EPB41L1: variants seen among roughly 807,000 people sequenced by gnomAD.
EPB41L1 encodes band 4.1-like protein 1.
A neutral mutation model predicts 97.8 loss-of-function variants in EPB41L1; 29 were observed. The ratio of observed to expected loss-of-function variants is 0.30; its 90% CI spans 0.22 to 0.40. The LOEUF is 0.40. Ranked by LOEUF, EPB41L1 falls within the 10% of genes least tolerant of loss-of-function variation. EPB41L1 has a pLI of 1.00. For synonymous variants in EPB41L1, 383 were observed against 459.2 expected, an observed-to-expected ratio of 0.83 and a Z score of 2.12; for missense variants, 812 against 1,162.3, an observed-to-expected ratio of 0.70 and a Z score of 4.38.
rs1178407672 is a variant in EPB41L1 at position 36,106,036 on chromosome 20, A to G, written c.-64-6390A>G. Among the ~76,000 whole-genome samples the G allele has an allele frequency of 2.6e-5, 4 of 152,216 alleles. No homozygotes were observed. The East Asian group carries it at 7.7e-4, about 29-fold the overall frequency. On this transcript the variant is annotated intron_variant, in intron 1 of 19. Coordinates refer to the EPB41L1 transcript ENST00000202028. ...GAGCACTGGCTCTGGCCTTAGTCCA[A>G]GGGCCTCTGGGTGAGTGCTCTTAGG...
At chr20:36,229,291 A>G (rs769468596) in intron 21 of EPB41L1, 41 bp from the exon 22 acceptor site, 5 of 774,046 alleles carry the variant, frequency 6.5e-6, no homozygotes, top group Non-Finnish European at 1.0e-5. Flanking sequence ...CTTTCCCCCC[A>G]CTCCCCACCC....
At position 36,206,484 on chromosome 20, in the gene EPB41L1, T is replaced by C. The variant is rs1348989941; in HGVS notation, c.1669-3004T>C. ...CAGAGAGGAGCTTCTATTTAAATTA[T>C]GAAGAAAAAGACTCAGAAGACCAAG... is the stretch of plus-strand genomic sequence containing the variant. On this transcript the variant is annotated intron_variant, in intron 14 of 21. Transcript: ENST00000338074. The surrounding 1 kb of genome is among the most constrained non-coding windows in gnomAD (Gnocchi z 5.5). 7.8e-7 allele frequency: 1 copy of C among 1,289,836 alleles called. No individual in the cohort carries two copies. 79.9% of individuals were successfully genotyped at this position (1,289,836 alleles called of 1,614,324 possible).
At chr20:36,116,474 C>T (rs1441078632) in intron 2 of EPB41L1, among the ~76,000 whole-genome samples, 2 of 152,132 alleles carry the variant, frequency 1.3e-5, no homozygotes, top group Non-Finnish European at 2.9e-5. Context: ...CCTTCCTTTC[C>T]TCCTGATGTG....
chr20:36,227,599 C>T (rs1256909222), intron 21 of EPB41L1, among the ~76,000 whole-genome samples: 1 of 152,156 alleles, frequency 6.6e-6, no homozygotes, highest in African/African-American at 2.4e-5. Flanking sequence ...GATGAGAGTA[C>T]TGAGAAAGTC....
At chr20:36,104,101 G>T (rs1050349641) in intron 1 of EPB41L1, among the ~76,000 whole-genome samples, 5 of 152,206 alleles carry the variant, frequency 3.3e-5, no homozygotes, top group Non-Finnish European at 7.3e-5. Context: ...GGAGTTCCTT[G>T]GTCTCCAGGG....
At chr20:36,173,718 C>T in intron 1 of EPB41L1, 46 bp from the exon 2 acceptor site, 1 of 1,571,926 alleles carries the variant, frequency 6.4e-7, no homozygotes, top group Middle Eastern at 1.7e-4. Flanking sequence ...GCTGTCATAC[C>T]ATTGCTGTCC....
intron 17 of EPB41L1, among the ~76,000 whole-genome samples, chr20:36,214,915 CT>C (rs1346296897): frequency 6.6e-6 from 1 of 151,790 alleles, no homozygotes; most frequent in Non-Finnish European, 1.5e-5. Context: ...TTTTTGGGAC[CT>C]CCCTATTGAG....
At chr20:36,169,182 G>A (rs953206996) in intron 1 of EPB41L1, among the ~76,000 whole-genome samples, 4 of 149,242 alleles carry the variant, frequency 2.7e-5, no homozygotes, top group Non-Finnish European at 4.4e-5. Context: ...AGCTGAGATC[G>A]CTACACTCTA....
At chr20:36,193,606 G>A (rs746450437) in intron 11 of EPB41L1, among the ~76,000 whole-genome samples, 10 of 152,348 alleles carry the variant, frequency 6.6e-5, no homozygotes, top group Admixed American at 3.3e-4. Flanking sequence ...ACCAGTGAGT[G>A]AGAAAGGTGT....
At chr20:36,192,220 CAAAAAAAAT>C (rs2061987242) in intron 11 of EPB41L1, among the ~76,000 whole-genome samples, 1 of 149,668 alleles carries the variant, frequency 6.7e-6, no homozygotes, top group African/African-American at 2.5e-5. Context: ...GACTCCATCT[CAAAAAAAAT>C]AAAAAAAATA....
intron 14 of EPB41L1, among the ~76,000 whole-genome samples, chr20:36,198,496 A>G (rs1361035651): frequency 1.3e-5 from 2 of 152,214 alleles, no homozygotes; most frequent in Non-Finnish European, 2.9e-5. Flanking sequence ...TATTGTGAAA[A>G]CACGGATCGG....
chr20:36,222,230 C>T (rs768933094), intron 20 of EPB41L1, 48 bp from the exon 21 acceptor site: 35 of 1,506,032 alleles, frequency 2.3e-5, no homozygotes, highest in Non-Finnish European at 2.1e-5. Context: ...CAGTCTCTCT[C>T]GTCTTGGATA....
At position 36,207,542 on chromosome 20, in the gene EPB41L1, C is replaced by A; in HGVS notation, c.1669-1946C>A. On this transcript the variant is annotated intron_variant, in intron 14 of 21. Coordinates refer to ENST00000338074, the MANE Select transcript of EPB41L1 (RefSeq NM_012156.2). This position sits in a 1 kb window ranked among gnomAD's most constrained non-coding sequence, Gnocchi z 4.9. ...CTTCCAAATGACGTATCTTCAGAGG[C>A]ACCCGTGGGACAAGCAGAGCAGCAG... The A allele has an allele frequency of 7.8e-7, 1 of 1,289,902 alleles. No individual in the cohort carries two copies. The highest frequency in any genetic ancestry group is 1.0e-6 in the Non-Finnish European group (1 of 988,890). The allele number at this position is 1,289,902 out of a possible 1,614,324, so 79.9% of individuals were successfully genotyped here. A position where few individuals can be genotyped will look rare whatever the true frequency, so the allele number is the denominator to read the frequency against.
At chr20:36,191,470 C>G (rs1324107186) in intron 11 of EPB41L1, among the ~76,000 whole-genome samples, 2 of 152,118 alleles carry the variant, frequency 1.3e-5, no homozygotes, top group Non-Finnish European at 2.9e-5. Flanking sequence ...GGTGCACAAA[C>G]CACGTTTCAT....
intron 1 of EPB41L1, among the ~76,000 whole-genome samples, chr20:36,168,599 C>T (rs1358106882): frequency 1.3e-5 from 2 of 151,284 alleles, no homozygotes; most frequent in Non-Finnish European, 2.9e-5. Context: ...GGCGCGATCT[C>T]GGCTCACTGC....
intron 4 of EPB41L1, among the ~76,000 whole-genome samples, 187 bp downstream of exon 4, chr20:36,178,243 AC>A (rs1270724148): frequency 2.6e-5 from 4 of 152,062 alleles, no homozygotes; most frequent in African/African-American, 7.2e-5. Flanking sequence ...CATACAGGTC[AC>A]CCCCAGATGA....
At chr20:36,157,033 G>A (rs2060333132) in intron 1 of EPB41L1, among the ~76,000 whole-genome samples, 1 of 152,140 alleles carries the variant, frequency 6.6e-6, no homozygotes, top group Non-Finnish European at 1.5e-5. Context: ...AGACCATCCT[G>A]GCCAACATGG....
At chr20:36,144,286 C>T (rs888310994) in intron 2 of EPB41L1, among the ~76,000 whole-genome samples, 3 of 152,186 alleles carry the variant, frequency 2.0e-5, no homozygotes, top group Non-Finnish European at 2.9e-5. Context: ...CCCAGCCCAG[C>T]GCCCTCTGCC....
chr20:36,111,607 A>G (rs897276289), intron 1 of EPB41L1, among the ~76,000 whole-genome samples: 16 of 152,012 alleles, frequency 1.1e-4, no homozygotes, highest in African/African-American at 3.9e-4. Context: ...CCAACATGGT[A>G]AAACCTCGTC....
Sources: allele counts gnomAD v4.1 joint callset (sites outside exome capture counted in the v4.1 genomes callset), GRCh38; gene constraint gnomAD v4.1.1; non-coding constraint Gnocchi (gnomAD v3.1); transcripts MANE v1.5; gene names NCBI Gene and HGNC (gene_info 2026-07-23, HGNC 2026-07-21).